The following TSPAN12 variants were observed in gnomAD, a reference collection of about 807,000 sequenced individuals.
TSPAN12 encodes the protein tetraspanin-12.
A neutral mutation model predicts 39.2 loss-of-function variants in TSPAN12; 19 were observed. The ratio of observed to expected loss-of-function variants is 0.49; its 90% CI spans 0.34 to 0.71. The LOEUF is 0.71. Among genes scored for constraint, TSPAN12 ranks in the 30% least tolerant of loss-of-function variants. The probability of loss-of-function intolerance (pLI) is 0.01; values close to 1 mark genes in which losing one functional copy is unlikely to be tolerated. For synonymous variants in TSPAN12, 119 were observed against 124.8 expected (o/e 0.95, Z 0.31); for missense variants, 314 against 359.9 (o/e 0.87, Z 1.03).
intron 4 of TSPAN12, among the ~76,000 whole-genome samples, chr7:120,818,962 T>C (rs189507467): frequency 6.6e-6 from 1 of 152,210 alleles, no homozygotes; most frequent in East Asian, 1.9e-4. Context: ...ATAAAAAATA[T>C]TATATTTGTA....
At chr7:120,830,827 A>G (rs1794376616) in intron 4 of TSPAN12, among the ~76,000 whole-genome samples, 1 of 152,116 alleles carries the variant, frequency 6.6e-6, no homozygotes, top group Non-Finnish European at 1.5e-5. Flanking sequence ...GCTTCTGCAT[A>G]GCAAAAGAAA....
chr7:120,816,819 G>T (rs1013155720), intron 4 of TSPAN12, among the ~76,000 whole-genome samples: 1 of 152,118 alleles, frequency 6.6e-6, no homozygotes, highest in African/African-American at 2.4e-5. Flanking sequence ...GGATGGTGAA[G>T]ATGCCTTAGA....
chr7:120,809,331 C>T (rs1793932879), intron 6 of TSPAN12, among the ~76,000 whole-genome samples: 1 of 152,152 alleles, frequency 6.6e-6, no homozygotes, highest in Non-Finnish European at 1.5e-5. Flanking sequence ...CTACTCAGGA[C>T]AGTAGCTGAC....
At chr7:120,799,832 T>C (rs1793727668) in intron 7 of TSPAN12, among the ~76,000 whole-genome samples, 1 of 138,864 alleles carries the variant, frequency 7.2e-6, no homozygotes, top group Non-Finnish European at 1.5e-5. Context: ...ATATATTAAT[T>C]ATATTAATAT....
At chr7:120,815,644 G>A (rs567175809) in intron 5 of TSPAN12, 85 bp downstream of exon 5, 24 of 1,197,646 alleles carry the variant, frequency 2.0e-5, no homozygotes, top group Middle Eastern at 2.1e-4. Flanking sequence ...CTTTCATAGC[G>A]GAGTGAAAAT....
chr7:120,806,658 C>G lies in TSPAN12; in HGVS notation c.503G>C (p.Trp168Ser). The G allele has an allele frequency of 6.2e-7, 1 of 1,613,464 alleles. No individual in the cohort carries two copies. Among genetic ancestry groups the G allele is most frequent in the Non-Finnish European group, 8.5e-7 (1 of 1,179,574 alleles). The change falls in exon 7 of 8, where the codon TGG becomes TCG. Residue 168 changes from tryptophan to serine, a missense_variant. By Grantham distance (177) the Trp-to-Ser change is radical. Transcript: ENST00000222747. ...CCAGTCCATCTCTGTCATTTCCAAC[C>G]AGTCAGTGAAATATACTACTCCACA... is the stretch of plus-strand genomic sequence containing the variant. Reference protein sequence around the residue: ...KCCGVVYFTDWLEMTEMDWPP... With the variant: ...KCCGVVYFTDSLEMTEMDWPP...
intron 7 of TSPAN12, among the ~76,000 whole-genome samples, chr7:120,789,652 A>G (rs1467326557): frequency 6.6e-6 from 1 of 152,218 alleles, no homozygotes; most frequent in Non-Finnish European, 1.5e-5. Context: ...ACAGTGATAC[A>G]GGAGATAGAA....
intron 3 of TSPAN12, 111 bp downstream of exon 3, chr7:120,839,916 C>A (rs929999857): frequency 2.4e-6 from 2 of 832,616 alleles, no homozygotes; most frequent in Non-Finnish European, 2.0e-6. Flanking sequence ...TTGCTATGGG[C>A]AGGAAAAACT....
At chr7:120,853,493 T>TATAC (rs10639551) in intron 2 of TSPAN12, among the ~76,000 whole-genome samples, 10,333 of 145,710 alleles carry the variant, frequency 0.071, 603 homozygotes, top group East Asian at 0.24. Flanking sequence ...TATATATATA[T>TATAC]ACACACACAT....
At chr7:120,798,854 G>A (rs982925284) in intron 7 of TSPAN12, among the ~76,000 whole-genome samples, 3 of 151,576 alleles carry the variant, frequency 2.0e-5, no homozygotes, top group African/African-American at 7.3e-5. Context: ...TTTTCTGCAC[G>A]TGGCTTACAG....
At chr7:120,836,525 C>A (rs913014097) in intron 4 of TSPAN12, among the ~76,000 whole-genome samples, 3 of 152,220 alleles carry the variant, frequency 2.0e-5, no homozygotes, top group Non-Finnish European at 4.4e-5. Context: ...TGCTCATCAT[C>A]TTCCCAGAGG....
At chr7:120,809,930 A>G (rs1185861570) in intron 6 of TSPAN12, among the ~76,000 whole-genome samples, 5 of 152,186 alleles carry the variant, frequency 3.3e-5, no homozygotes, top group African/African-American at 4.8e-5. Context: ...CACTATTTTA[A>G]AGGTGAGAAA....
chr7:120,823,296 G>GATATAT (rs140989111), intron 4 of TSPAN12, among the ~76,000 whole-genome samples: 2 of 147,656 alleles, frequency 1.4e-5, no homozygotes, highest in Non-Finnish European at 1.5e-5. Flanking sequence ...AGAATGTTCT[G>GATATAT]ATATATATAT....
intron 2 of TSPAN12, among the ~76,000 whole-genome samples, chr7:120,853,473 T>TAG (rs776065784): frequency 3.1e-5 from 4 of 129,684 alleles, no homozygotes; most frequent in African/African-American, 1.3e-4. Context: ...GAAATGCAGA[T>TAG]ATATATATAT....
chr7:120,837,087 C>G (rs1368810104), intron 4 of TSPAN12, among the ~76,000 whole-genome samples: 5 of 152,148 alleles, frequency 3.3e-5, no homozygotes, highest in Non-Finnish European at 4.4e-5. Flanking sequence ...AATTCTGAGA[C>G]TCTTTATTTA....
chr7:120,800,144 G>C (rs1245973335), intron 7 of TSPAN12, among the ~76,000 whole-genome samples: 1 of 151,992 alleles, frequency 6.6e-6, no homozygotes. Context: ...GAGTATAGAG[G>C]AGACAGGTGA....
chr7:120,843,395 AG>A (rs1341303674), intron 2 of TSPAN12, among the ~76,000 whole-genome samples: 19 of 152,254 alleles, frequency 1.2e-4, no homozygotes, highest in African/African-American at 4.3e-4. Context: ...ATGTTCTCCC[AG>A]GGGTGCACTT....
chr7:120,856,552 G>T, intron 2 of TSPAN12, 146 bp downstream of exon 2: 2 of 840,428 alleles, frequency 2.4e-6, no homozygotes, highest in Non-Finnish European at 2.0e-6. Flanking sequence ...ATTTTAAGAA[G>T]GTCAAATTTT....
chr7:120,850,542 C>T (rs1018643885), intron 2 of TSPAN12, among the ~76,000 whole-genome samples: 4 of 152,176 alleles, frequency 2.6e-5, no homozygotes, highest in African/African-American at 9.7e-5. Flanking sequence ...GAGCCTATTG[C>T]TCAGTATGCA....
Sources: allele counts gnomAD v4.1 joint callset (sites outside exome capture counted in the v4.1 genomes callset), GRCh38; gene constraint gnomAD v4.1.1; transcripts MANE v1.5; gene names NCBI Gene and HGNC (gene_info 2026-07-23, HGNC 2026-07-21).